ATRN: variants seen among roughly 807,000 people sequenced by gnomAD.
The protein encoded by ATRN is attractin.
Under a neutral mutation model 178.7 loss-of-function variants are expected in ATRN, and 54 were observed. That is an observed-to-expected ratio of 0.30 (90% CI 0.24 to 0.38). The LOEUF (loss-of-function observed/expected upper bound fraction) is 0.38. Ranked by LOEUF, ATRN falls within the 10% of genes least tolerant of loss-of-function variation. ATRN has a pLI of 1.00. For missense variants in ATRN, 1,443 were observed against 1,815.1 expected (o/e 0.79, Z 3.73); for synonymous variants, 636 against 663.0 (o/e 0.96, Z 0.63).
intron 1 of ATRN, among the ~76,000 whole-genome samples, chr20:3,479,886 G>T (rs239097): frequency 0.015 from 2,315 of 152,268 alleles, 61 homozygotes; most frequent in African/African-American, 0.053. Flanking sequence ...TTTCTCTTAA[G>T]GGTACCAGTC....
At chr20:3,503,443 A>G (rs1375334378) in intron 1 of ATRN, among the ~76,000 whole-genome samples, 2 of 152,254 alleles carry the variant, frequency 1.3e-5, no homozygotes, top group African/African-American at 4.8e-5. Flanking sequence ...TAAAGCATCC[A>G]TCATAAAAAT....
At chr20:3,604,313 A>G (rs1298902230) in intron 24 of ATRN, 51 bp downstream of exon 24, 1 of 1,522,104 alleles carries the variant, frequency 6.6e-7, no homozygotes, top group South Asian at 1.3e-5. Flanking sequence ...AAATCTCTTT[A>G]GTAAGACTAA....
At chr20:3,492,304 G>A (rs183742903) in intron 1 of ATRN, among the ~76,000 whole-genome samples, 2 of 151,846 alleles carry the variant, frequency 1.3e-5, no homozygotes, top group Non-Finnish European at 1.5e-5. Context: ...AATTGGCTTC[G>A]CAGGTGAGAG....
chr20:3,486,601 C>CG (rs935282993), intron 1 of ATRN, among the ~76,000 whole-genome samples: 7 of 152,026 alleles, frequency 4.6e-5, no homozygotes, highest in Non-Finnish European at 8.8e-5. Context: ...ACTGTTGTCT[C>CG]GAATTCCTGG....
chr20:3,636,119 T>G (rs990156407), intron 26 of ATRN, among the ~76,000 whole-genome samples: 2 of 152,178 alleles, frequency 1.3e-5, no homozygotes, highest in African/African-American at 4.8e-5. Flanking sequence ...CCCTGAGTGC[T>G]TATGAGAATT....
chr20:3,593,038 C>G (rs1366813138), intron 19 of ATRN, among the ~76,000 whole-genome samples: 1 of 152,182 alleles, frequency 6.6e-6, no homozygotes, highest in East Asian at 1.9e-4. Context: ...ACTCAAGACA[C>G]AGGTGCTTTT....
At chr20:3,492,268 G>T (rs1437275752) in intron 1 of ATRN, among the ~76,000 whole-genome samples, 1 of 151,756 alleles carries the variant, frequency 6.6e-6, no homozygotes, top group Non-Finnish European at 1.5e-5. Context: ...GTAGGAGTGG[G>T]CACTGAGTGT....
intron 1 of ATRN, among the ~76,000 whole-genome samples, chr20:3,516,577 C>T (rs1435583268): frequency 6.6e-6 from 1 of 151,980 alleles, no homozygotes; most frequent in Non-Finnish European, 1.5e-5. Context: ...CAACAGAAAA[C>T]CCAAACTCAG....
At chr20:3,489,681 A>T in intron 1 of ATRN, 1 of 1,567,502 alleles carries the variant, frequency 6.4e-7, no homozygotes, top group Non-Finnish European at 8.8e-7. Flanking sequence ...AGCATCTTCA[A>T]TCTGCGTCAC....
intron 15 of ATRN, among the ~76,000 whole-genome samples, chr20:3,581,062 G>A (rs2086276444): frequency 6.6e-6 from 1 of 151,850 alleles, no homozygotes; most frequent in Non-Finnish European, 1.5e-5. Flanking sequence ...GGCAACACAG[G>A]GAGACCTCGT....
chr20:3,505,671 AAGAC>A (rs2085033298), intron 1 of ATRN, among the ~76,000 whole-genome samples: 1 of 152,212 alleles, frequency 6.6e-6, no homozygotes. Flanking sequence ...TACCAATCAA[AAGAC>A]AGAGACTGGC....
rs189394715 is a variant in ATRN at position 3,505,166 on chromosome 20, G to A, written c.411-30087G>A. ...AGTAAAGATTACCCCTGCCTAATAT[G>A]GGTGGCCACCATCCAATTGTTTGAG... On this transcript the variant is annotated intron_variant, in intron 1 of 28. Transcript: ENST00000262919. Among the ~76,000 whole-genome samples the A allele has an allele frequency of 4.5e-3, 679 of 152,254 alleles. 3 individuals are homozygous for A. The highest frequency in any genetic ancestry group is 6.4e-3 in the Non-Finnish European group (435 of 68,010).
chr20:3,575,825 A>G lies in ATRN; in HGVS notation c.2093-2A>G. ...GTTCATGAGATTTTGTTTTCTTTGC[A>G]GCTCTTGACCATGACAGATGTGACC... On this transcript the variant is annotated splice_acceptor_variant, in intron 12 of 28. Coordinates refer to ENST00000262919, the MANE Select transcript of ATRN (RefSeq NM_139321.3). LOFTEE classifies it high-confidence loss of function. The G allele has an allele frequency of 6.2e-7, 1 of 1,601,514 alleles. No homozygotes were observed. Among genetic ancestry groups the G allele is most frequent in the Non-Finnish European group, 8.5e-7 (1 of 1,174,472 alleles).
At position 3,587,729 on chromosome 20, in the gene ATRN, T is replaced by C. The variant is rs113162336; in HGVS notation, c.3184+2849T>C. ...TTCTGGGTTTCTTGCATGTTCATAT[T>C]AATTTTAGGATGAGCTTGCCATTTT... On this transcript the variant is annotated intron_variant, in intron 18 of 28. Coordinates refer to ENST00000262919, the MANE Select transcript of ATRN (RefSeq NM_139321.3). Among the ~76,000 whole-genome samples the C allele has an allele frequency of 7.2e-4, 109 of 152,324 alleles. 1 individual carries two copies. Among genetic ancestry groups the C allele is most frequent in the Non-Finnish European group, 1.5e-3 (99 of 68,026 alleles).
intron 27 of ATRN, among the ~76,000 whole-genome samples, chr20:3,641,302 GAA>G (rs1235191833): frequency 6.6e-6 from 1 of 152,038 alleles, no homozygotes; most frequent in Non-Finnish European, 1.5e-5. Context: ...TTAAAAATGG[GAA>G]AAGAGGCCGG....
chr20:3,640,498 T>C (rs531841940), intron 27 of ATRN, among the ~76,000 whole-genome samples: 17 of 151,996 alleles, frequency 1.1e-4, no homozygotes, highest in South Asian at 2.1e-4. Flanking sequence ...GCAAAACATA[T>C]TGTAAGCATG....
Position 3,574,880 on chromosome 20 carries a change from C to T in ATRN, c.2093-947C>T, listed in dbSNP as rs547120206. ...GGGTCTTTGTGAGAGCGGCACCTGC[C>T]TTTTCCTGTTTGTGAATTCCCCCAT... On this transcript the variant is annotated intron_variant, in intron 12 of 28. Transcript: ENST00000262919. 1.4e-4 allele frequency among the ~76,000 whole-genome samples: 21 copies of T among 151,916 alleles called. 1 individual carries two copies. In the South Asian group the frequency reaches 4.4e-3, roughly 32 times the overall value.
intron 1 of ATRN, among the ~76,000 whole-genome samples, chr20:3,477,851 A>T (rs549493531): frequency 1.6e-4 from 25 of 152,348 alleles, no homozygotes; most frequent in South Asian, 2.1e-4. Flanking sequence ...TTCTGTCCTT[A>T]TATTGCTCCT....
intron 12 of ATRN, among the ~76,000 whole-genome samples, chr20:3,573,896 C>T (rs1403174958): frequency 6.6e-6 from 1 of 152,002 alleles, no homozygotes; most frequent in Non-Finnish European, 1.5e-5. Flanking sequence ...TGCCACCATG[C>T]TCGGCTAGTT....
Sources: gnomAD v4.1 joint callset for allele counts (sites outside exome capture counted in the v4.1 genomes callset) on GRCh38, gnomAD v4.1.1 for gene constraint, MANE v1.5 for transcripts, NCBI Gene and HGNC (gene_info 2026-07-23, HGNC 2026-07-21) for gene names.